Variants in PLK1 observed in about 807,000 individuals in gnomAD.
PLK1 encodes polo like kinase 1, also known as serine/threonine-protein kinase PLK1.
PLK1 carries 6 observed loss-of-function variants against 56.7 expected under a neutral mutation model. The ratio of observed to expected loss-of-function variants is 0.11; its 90% CI spans 0.06 to 0.21. The LOEUF (loss-of-function observed/expected upper bound fraction) is 0.21. Among genes scored for constraint, PLK1 ranks in the 10% least tolerant of loss-of-function variants. PLK1 has a pLI of 1.00. For synonymous variants in PLK1, 298 were observed against 325.0 expected, an observed-to-expected ratio of 0.92 and a Z score of 0.89; for missense variants, 546 against 814.4, an observed-to-expected ratio of 0.67 and a Z score of 4.01.
At chr16:23,681,147 T>G in intron 3 of PLK1, 89 bp downstream of exon 3, 1 of 1,177,410 alleles carries the variant, frequency 8.5e-7, no homozygotes, top group Non-Finnish European at 1.2e-6. Flanking sequence ...TGTGGACCTT[T>G]CGGCCTGCTT....
rs1959289413 is a variant in PLK1, at chr16:23,679,276, G to A, written c.344G>A (p.Gly115Glu). 1 of 1,613,952 alleles carries A rather than the reference G, an allele frequency of 6.2e-7. No individual in the cohort carries two copies. The highest frequency in any genetic ancestry group is 1.1e-5 in the South Asian group (1 of 91,092). ...AGCCTCGCCCACCAGCACGTCGTAG[G>A]ATTCCACGGCTTTTTCGAGGACAAC... The part of the protein sequence containing the change: ...HRSLAHQHVV[G>E]FHGFFEDNDF... Residue 115 changes from glycine to glutamate, a missense_variant, in exon 1 of 10, where the codon GGA becomes GAA. By Grantham distance (98) the Gly-to-Glu change is moderately conservative. Around this residue, in one of 7 missense-constraint regions of PLK1, gnomAD observed 111 missense variants for 211.8 expected, o/e 0.52. Coordinates refer to ENST00000300093, the MANE Select transcript of PLK1 (RefSeq NM_005030.6).
chr16:23,683,776 C>T (rs894332056), intron 4 of PLK1, 94 bp from the exon 5 acceptor site: 10 of 908,116 alleles, frequency 1.1e-5, no homozygotes, highest in Non-Finnish European at 1.6e-5. Flanking sequence ...CTGGGGGCTG[C>T]ATGTGGGCTG....
intron 3 of PLK1, 64 bp downstream of exon 3, chr16:23,681,122 C>T (rs929190864): frequency 1.4e-6 from 2 of 1,445,178 alleles, no homozygotes; most frequent in African/African-American, 1.4e-5. Flanking sequence ...GACATCCTAC[C>T]TGGCTGACCT....
chr16:23,678,954 G>A lies in PLK1; in HGVS notation c.22G>A (p.Gly8Arg). 1.3e-6 allele frequency: 2 copies of A among 1,570,768 alleles called. No homozygotes were observed. Among genetic ancestry groups the A allele is most frequent in the Non-Finnish European group, 8.6e-7 (1 of 1,158,490 alleles). MSAAVTA[G>R]KLARAPADPG... Reference sequence around the variant, plus strand: ...GAGCATGAGTGCTGCAGTGACTGCAGGGAAGCTGGCACGGGCACCGGCCGA... The same window carrying A: ...GAGCATGAGTGCTGCAGTGACTGCAAGGAAGCTGGCACGGGCACCGGCCGA... The change falls in exon 1 of 10, where the codon GGG (glycine) becomes AGG (arginine). Residue 8 changes from glycine to arginine, a missense_variant. Gly to Arg is a moderately radical substitution (Grantham distance 125, BLOSUM62 -2). Around this residue, in one of 7 missense-constraint regions of PLK1, gnomAD observed 72 missense variants for 63.7 expected, o/e 1.13. Coordinates refer to ENST00000300093, the MANE Select transcript of PLK1 (RefSeq NM_005030.6).
chr16:23,680,009 C>G, intron 1 of PLK1, 75 bp from the exon 2 acceptor site: 2 of 1,053,328 alleles, frequency 1.9e-6, no homozygotes, highest in Non-Finnish European at 2.9e-6. Flanking sequence ...CTTCCTTTGC[C>G]TGGTAACCCT....
At position 23,689,181 on chromosome 16, in the gene PLK1, G is replaced by C; in HGVS notation, c.1271-57G>C. The C allele has an allele frequency of 1.3e-6, 2 of 1,513,094 alleles. No individual in the cohort carries two copies. Among genetic ancestry groups the C allele is most frequent in the Non-Finnish European group, 1.8e-6 (2 of 1,097,230 alleles). 93.7% of individuals were successfully genotyped at this position (1,513,094 alleles called of 1,614,324 possible). A position where few individuals can be genotyped will look rare whatever the true frequency, so the allele number is the denominator to read the frequency against. The stretch of plus-strand genomic sequence containing the variant: ...TCACAGGCATGTGCCACCACGCCCG[G>C]TCCCACTCCCCACTTTCTATTCCCC... On this transcript the variant is annotated intron_variant, in intron 7 of 9. Transcript: ENST00000300093. The surrounding 1 kb of genome is among the most constrained non-coding windows in gnomAD (Gnocchi z 4.8).
Position 23,690,154 on chromosome 16 carries a change from G to A in PLK1, c.*91G>A. ...TGGCTCCCGCGGTGCCATGTCTGCA[G>A]TGTGCCCCCCAGCCCCGGTGGCTGG... is the stretch of plus-strand genomic sequence containing the variant. On this transcript the variant is annotated 3_prime_UTR_variant, in exon 10 of 10. Coordinates refer to ENST00000300093, the MANE Select transcript of PLK1 (RefSeq NM_005030.6). The A allele has an allele frequency of 1.0e-6, 1 of 986,654 alleles. No individual in the cohort carries two copies. Among genetic ancestry groups the A allele is most frequent in the South Asian group, 1.3e-5 (1 of 74,426 alleles). 61.1% of individuals were successfully genotyped at this position (986,654 alleles called of 1,614,324 possible).
chr16:23,690,126 G>A lies in PLK1; in HGVS notation c.*63G>A. On this transcript the variant is annotated 3_prime_UTR_variant, in exon 10 of 10. Transcript: ENST00000300093. ...CCCACCTGCATCTGGGGCCCATACT[G>A]GTTGGCTCCCGCGGTGCCATGTCTG... is the stretch of plus-strand genomic sequence containing the variant. 7.4e-7 allele frequency: 1 copy of A among 1,346,368 alleles called. No homozygotes were observed. Among genetic ancestry groups the A allele is most frequent in the Non-Finnish European group, 1.0e-6 (1 of 953,132 alleles). 83.4% of individuals were successfully genotyped at this position (1,346,368 alleles called of 1,614,324 possible). A position where few individuals can be genotyped will look rare whatever the true frequency, so the allele number is the denominator to read the frequency against.
At chr16:23,688,146 AG>A (rs1156813056) in intron 6 of PLK1, among the ~76,000 whole-genome samples, 1 of 152,176 alleles carries the variant, frequency 6.6e-6, no homozygotes, top group Admixed American at 6.5e-5. Flanking sequence ...ATTTAAATTA[AG>A]GGGTTTGTTG....
chr16:23,686,661 C>T (rs1179618457), intron 5 of PLK1, among the ~76,000 whole-genome samples: 5 of 151,942 alleles, frequency 3.3e-5, no homozygotes, highest in Admixed American at 3.3e-4. Flanking sequence ...CAGCTAGTTT[C>T]TGTATTTTTA....
Position 23,687,529 on chromosome 16 carries a change from C to T in PLK1, c.1097C>T (p.Thr366Ile), listed in dbSNP as rs1376532841. The stretch of plus-strand genomic sequence containing the variant: ...AAAGAAGAACCAGTGGTTCGAGAGA[C>T]AGGTGAGGTGGTCGACTGCCACCTC... Reference protein sequence around the residue: ...REKEEPVVRETGEVVDCHLSD... With the variant: ...REKEEPVVREIGEVVDCHLSD... The change falls in exon 6 of 10, where the codon ACA becomes ATA. Residue 366 changes from threonine (T) to isoleucine (I), a missense_variant. This residue lies in a region of PLK1 where 157 missense variants were observed against 184.0 expected (regional missense o/e 0.85). Transcript: ENST00000300093. 1 of 1,603,440 alleles carries T rather than the reference C, an allele frequency of 6.2e-7. No individual in the cohort carries two copies. The highest frequency in any genetic ancestry group is 8.5e-7 in the Non-Finnish European group (1 of 1,173,832).
chr16:23,682,035 T>A (rs369045534), intron 3 of PLK1, 29 bp from the exon 4 acceptor site: 1 of 1,181,802 alleles, frequency 8.5e-7, no homozygotes, highest in East Asian at 2.3e-5. Context: ...GCTGGGAGAC[T>A]GGTGCCAAAT....
At chr16:23,682,816 G>A (rs1481059558) in intron 4 of PLK1, among the ~76,000 whole-genome samples, 1 of 151,624 alleles carries the variant, frequency 6.6e-6, no homozygotes, top group Non-Finnish European at 1.5e-5. Context: ...ACAGGCGTGA[G>A]CCACCATACC....
Position 23,689,698 on chromosome 16 carries a change from G to T in PLK1, c.1608+22G>T, listed in dbSNP as rs200175995. On this transcript the variant is annotated intron_variant, in intron 9 of 9. Coordinates refer to ENST00000300093, the MANE Select transcript of PLK1 (RefSeq NM_005030.6). The surrounding 1 kb of genome is among the most constrained non-coding windows in gnomAD (Gnocchi z 4.8). The stretch of plus-strand genomic sequence containing the variant: ...CCAGGTGAGCTGGAGGTCACCAGGC[G>T]CAGGAGAGAGCTGGGGTAGGCTCCG... 34 of 1,585,484 alleles carry T rather than the reference G, an allele frequency of 2.1e-5. No homozygotes were observed. In the East Asian group the frequency reaches 5.7e-4, roughly 26 times the overall value.
intron 1 of PLK1, chr16:23,679,855 G>A (rs541356320): frequency 7.5e-5 from 32 of 428,980 alleles, no homozygotes; most frequent in South Asian, 2.6e-4. Context: ...AGGAGAAGGG[G>A]TGCTGCGAAT....
chr16:23,679,036 C>G lies in PLK1; in HGVS notation c.104C>G (p.Pro35Arg). Residue 35 changes from proline to arginine, a missense_variant, in exon 1 of 10, where the codon CCA (proline) becomes CGA (arginine). Coordinates refer to ENST00000300093, the MANE Select transcript of PLK1 (RefSeq NM_005030.6). The stretch of plus-strand genomic sequence containing the variant: ...GCTCCCGGAGCTCCGGCGGCGGCTC[C>G]ACCGGCGAAAGAGATCCCGGAGGTC... ...VAAPGAPAAAPPAKEIPEVLV... is the reference protein window; with the variant it reads ...VAAPGAPAAARPAKEIPEVLV... The G allele has an allele frequency of 6.2e-7, 1 of 1,608,618 alleles. No homozygotes were observed. The highest frequency in any genetic ancestry group is 8.5e-7 in the Non-Finnish European group (1 of 1,177,314).
rs768096098 is a variant in PLK1, at chr16:23,680,966, C to G, written c.630C>G (p.Thr210=). The part of the protein sequence containing the change: ...KVEYDGERKK[T]LCGTPNYIAP... ...AATATGACGGGGAGAGGAAGAAGACCCTGTGTGGGACTCCTAATTACATAG... is the reference window on the plus strand; with the variant it reads ...AATATGACGGGGAGAGGAAGAAGACGCTGTGTGGGACTCCTAATTACATAG... Residue 210 remains threonine, a synonymous_variant, in exon 3 of 10, where the codon ACC becomes ACG. Transcript: ENST00000300093. The G allele has an allele frequency of 1.4e-5, 22 of 1,612,176 alleles. No individual in the cohort carries two copies. Among genetic ancestry groups the G allele is most frequent in the Middle Eastern group, 1.6e-4 (1 of 6,076 alleles).
At position 23,681,077 on chromosome 16, in the gene PLK1, C is replaced by G. The variant is rs1959324003; in HGVS notation, c.722+19C>G. Reference sequence around the variant, plus strand: ...GTATCATGTAAGTTGGGAGTTGTCTCTGGACCAACCTGGTCTCAGCAGGGG... The same window carrying G: ...GTATCATGTAAGTTGGGAGTTGTCTGTGGACCAACCTGGTCTCAGCAGGGG... On this transcript the variant is annotated intron_variant, in intron 3 of 9. Coordinates refer to ENST00000300093, the MANE Select transcript of PLK1 (RefSeq NM_005030.6). 6.2e-7 allele frequency: 1 copy of G among 1,609,886 alleles called. No homozygotes were observed. The highest frequency in any genetic ancestry group is 1.3e-5 in the African/African-American group (1 of 74,880).
Position 23,689,133 on chromosome 16 carries a change from C to G in PLK1, c.1271-105C>G, listed in dbSNP as rs1959486874. Reference sequence around the variant, plus strand: ...TCCTGGGCTCAAACAATCCTCCTCCCTCAGCCTCCCAAAGTGCTGGAATCA... The same window carrying G: ...TCCTGGGCTCAAACAATCCTCCTCCGTCAGCCTCCCAAAGTGCTGGAATCA... On this transcript the variant is annotated intron_variant, in intron 7 of 9. Coordinates refer to ENST00000300093, the MANE Select transcript of PLK1 (RefSeq NM_005030.6). The surrounding 1 kb of genome is among the most constrained non-coding windows in gnomAD (Gnocchi z 4.8). 1 of 1,023,586 alleles carries G rather than the reference C, an allele frequency of 9.8e-7. No individual in the cohort carries two copies. The highest frequency in any genetic ancestry group is 1.5e-6 in the Non-Finnish European group (1 of 668,172). 63.4% of individuals were successfully genotyped at this position (1,023,586 alleles called of 1,614,324 possible).
Sources: allele counts gnomAD v4.1 joint callset (sites outside exome capture counted in the v4.1 genomes callset), GRCh38; gene constraint gnomAD v4.1.1; regional missense constraint gnomAD v4.1.1; non-coding constraint Gnocchi (gnomAD v3.1); transcripts MANE v1.5; gene names NCBI Gene and HGNC (gene_info 2026-07-23, HGNC 2026-07-21).